Variants in TMEM232 observed in about 807,000 individuals in gnomAD.
TMEM232 encodes transmembrane protein 232.
In TMEM232, 80 loss-of-function variants were observed where a neutral mutation model predicts 78.8. The ratio of observed to expected loss-of-function variants is 1.01; its 90% CI spans 0.85 to 1.22. The LOEUF is 1.22. TMEM232 is among the 50% of genes most tolerant of loss of function. The pLI is 0.00. For synonymous variants in TMEM232, 297 were observed against 254.3 expected, an observed-to-expected ratio of 1.17 and a Z score of -1.60; for missense variants, 881 against 742.2, an observed-to-expected ratio of 1.19 and a Z score of -2.17.
At chr5:110,638,921 G>T (rs973494996) in intron 4 of TMEM232, among the ~76,000 whole-genome samples, 1 of 152,172 alleles carries the variant, frequency 6.6e-6, no homozygotes, top group Non-Finnish European at 1.5e-5. Flanking sequence ...GAGAATCAAG[G>T]TAGAGGAAAC....
intron 10 of TMEM232, among the ~76,000 whole-genome samples, chr5:110,597,794 G>C (rs923018227): frequency 2.6e-5 from 4 of 152,038 alleles, no homozygotes; most frequent in African/African-American, 4.8e-5. Context: ...ATGGTGCTGG[G>C]AAAACTGGCT....
At chr5:110,582,735 G>A (rs1778352433) in intron 10 of TMEM232, among the ~76,000 whole-genome samples, 2 of 151,774 alleles carry the variant, frequency 1.3e-5, no homozygotes, top group South Asian at 2.1e-4. Context: ...GTTTGCAGAC[G>A]ACATAATCTT....
intron 7 of TMEM232, among the ~76,000 whole-genome samples, chr5:110,619,119 A>G: frequency 6.6e-6 from 1 of 152,292 alleles, no homozygotes; most frequent in Non-Finnish European, 1.5e-5. Flanking sequence ...TAATTGGTCT[A>G]CTAAAGTAAT....
chr5:110,433,383 G>A (rs181865694), intron 12 of TMEM232, among the ~76,000 whole-genome samples: 1 of 151,638 alleles, frequency 6.6e-6, no homozygotes, highest in Admixed American at 6.6e-5. Flanking sequence ...AGAACATTTG[G>A]GTAAACAATG....
At chr5:110,705,927 A>C (rs1795890802) in intron 1 of TMEM232, among the ~76,000 whole-genome samples, 1 of 151,818 alleles carries the variant, frequency 6.6e-6, no homozygotes, top group Non-Finnish European at 1.5e-5. Context: ...TATATAGGAA[A>C]AGGATGCTTC....
chr5:110,447,320 T>A (rs1456045921), intron 12 of TMEM232, among the ~76,000 whole-genome samples: 1 of 152,064 alleles, frequency 6.6e-6, no homozygotes, highest in African/African-American at 2.4e-5. Flanking sequence ...CACAGCCACA[T>A]TGCATAAAAG....
At position 110,606,147 on chromosome 5, in the gene TMEM232, T is replaced by C. The variant is rs1449929193; in HGVS notation, c.1026+17A>G. The C allele has an allele frequency of 2.0e-6, 3 of 1,529,860 alleles. No homozygotes were observed. Among genetic ancestry groups the C allele is most frequent in the African/African-American group, 1.4e-5 (1 of 72,640 alleles). 94.8% of individuals were successfully genotyped at this position (1,529,860 alleles called of 1,614,324 possible). A position where few individuals can be genotyped will look rare whatever the true frequency, so the allele number is the denominator to read the frequency against. On this transcript the variant is annotated intron_variant, in intron 9 of 13. Transcript: ENST00000455884. ...TTCTCTTCGGTTCTCTTTTCACATATAAATTAGCAATGTTACCTGATTTTG... is the reference window on the plus strand; with the variant it reads ...TTCTCTTCGGTTCTCTTTTCACATACAAATTAGCAATGTTACCTGATTTTG...
At chr5:110,658,635 T>G (rs572528253) in intron 2 of TMEM232, among the ~76,000 whole-genome samples, 1 of 152,178 alleles carries the variant, frequency 6.6e-6, no homozygotes, top group Non-Finnish European at 1.5e-5. Flanking sequence ...AGTCATGATC[T>G]TTTCAAGGTT....
Position 110,662,750 on chromosome 5 carries a change from T to A in TMEM232, c.125+4478A>T, listed in dbSNP as rs144028149. Among the ~76,000 whole-genome samples, 968 of 152,240 alleles carry A rather than the reference T, an allele frequency of 6.4e-3. 18 individuals are homozygous for A. The highest frequency in any genetic ancestry group is 0.021 in the African/African-American group (891 of 41,568). On this transcript the variant is annotated intron_variant, in intron 2 of 13. Coordinates refer to ENST00000455884, the MANE Select transcript of TMEM232 (RefSeq NM_001039763.4). Reference sequence around the variant, plus strand: ...AATAGTAGAGAAAGGATTTTTTCCATATGTCGTATTGATGAATTGAGTATG... The same window carrying A: ...AATAGTAGAGAAAGGATTTTTTCCAAATGTCGTATTGATGAATTGAGTATG...
chr5:110,618,828 C>CA (rs1783270151), intron 7 of TMEM232, among the ~76,000 whole-genome samples: 1 of 152,096 alleles, frequency 6.6e-6, no homozygotes, highest in Non-Finnish European at 1.5e-5. Flanking sequence ...AATTCTGGAT[C>CA]ACATAAGGGA....
chr5:110,388,504 A>C (rs1359619335), intron 4 of TMEM232, among the ~76,000 whole-genome samples: 1 of 152,118 alleles, frequency 6.6e-6, no homozygotes, highest in Admixed American at 6.5e-5. Flanking sequence ...GTTGCTTTTT[A>C]TTAAAAGGAA....
At chr5:110,733,103 C>A (rs1426806825) in intron 2 of TMEM232, among the ~76,000 whole-genome samples, 1 of 152,014 alleles carries the variant, frequency 6.6e-6, no homozygotes, top group Non-Finnish European at 1.5e-5. Flanking sequence ...CAGCGAAATG[C>A]AAATCAAAAG....
intron 13 of TMEM232, 76 bp from the exon 14 acceptor site, chr5:110,420,832 G>T: frequency 2.1e-6 from 3 of 1,455,666 alleles, no homozygotes; most frequent in South Asian, 1.4e-5. Context: ...TCAAAATGCA[G>T]ATTCTTATAT....
intron 1 of TMEM232, among the ~76,000 whole-genome samples, chr5:110,668,689 C>G (rs934322575): frequency 6.6e-6 from 1 of 152,158 alleles, no homozygotes; most frequent in South Asian, 2.1e-4. Flanking sequence ...TTCTCAGCAC[C>G]ACATCGCACT....
At chr5:110,521,916 T>A (rs1769574801) in intron 12 of TMEM232, among the ~76,000 whole-genome samples, 1 of 152,196 alleles carries the variant, frequency 6.6e-6, no homozygotes. Flanking sequence ...ATATTCTTCC[T>A]TCTCAAGATT....
chr5:110,444,825 C>T lies in TMEM232; in HGVS notation c.1704-19909G>A, dbSNP rs1490584993. Among the ~76,000 whole-genome samples, 5 of 152,052 alleles carry T rather than the reference C, an allele frequency of 3.3e-5. No individual in the cohort carries two copies. The South Asian group carries it at 8.3e-4, about 25-fold the overall frequency. ...ATTAATTGATAAGTAAGCCTCTTTGCTTCTTATTTTTTCTGAAATTCCCTT... is the reference window on the plus strand; with the variant it reads ...ATTAATTGATAAGTAAGCCTCTTTGTTTCTTATTTTTTCTGAAATTCCCTT... On this transcript the variant is annotated intron_variant, in intron 12 of 13. Coordinates refer to ENST00000455884, the MANE Select transcript of TMEM232 (RefSeq NM_001039763.4).
At chr5:110,711,359 C>A (rs1796456297) in intron 1 of TMEM232, among the ~76,000 whole-genome samples, 1 of 152,078 alleles carries the variant, frequency 6.6e-6, no homozygotes, top group South Asian at 2.1e-4. Flanking sequence ...AGATTCAATG[C>A]AATCCCTATC....
At chr5:110,405,564 G>A (rs1221830109) in intron 2 of TMEM232, among the ~76,000 whole-genome samples, 2 of 151,270 alleles carry the variant, frequency 1.3e-5, no homozygotes, top group Non-Finnish European at 3.0e-5. Context: ...TTGTGGGAGA[G>A]AATTGGAAGT....
intron 12 of TMEM232, among the ~76,000 whole-genome samples, chr5:110,518,010 T>A (rs1309391895): frequency 1.3e-5 from 2 of 152,196 alleles, no homozygotes. Flanking sequence ...TCATCCTCAG[T>A]ATGTCTCTTC....
Sources: gnomAD v4.1 joint callset for allele counts (sites outside exome capture counted in the v4.1 genomes callset) on GRCh38, gnomAD v4.1.1 for gene constraint, MANE v1.5 for transcripts, NCBI Gene and HGNC (gene_info 2026-07-23, HGNC 2026-07-21) for gene names.